Variants in WASF2 observed in about 807,000 individuals in gnomAD.
WASF2 encodes the protein actin-binding protein WASF2.
In WASF2, 14 loss-of-function variants were observed where a neutral mutation model predicts 45.0. That is an observed-to-expected ratio of 0.31 (90% CI 0.21 to 0.49). The LOEUF (loss-of-function observed/expected upper bound fraction) is 0.49, where lower values mean the gene tolerates loss of function less well. Among genes scored for constraint, WASF2 ranks in the 20% least tolerant of loss-of-function variants. WASF2 has a pLI of 0.99. For synonymous variants in WASF2, 200 were observed against 236.3 expected, an observed-to-expected ratio of 0.85 and a Z score of 1.41; for missense variants, 439 against 636.1, an observed-to-expected ratio of 0.69 and a Z score of 3.33.
chr1:27,425,532 G>A (rs923348864), intron 2 of WASF2, among the ~76,000 whole-genome samples: 7 of 152,032 alleles, frequency 4.6e-5, no homozygotes, highest in African/African-American at 7.2e-5. Context: ...ATGAAACCCC[G>A]TCTCTACTAA....
intron 1 of WASF2, among the ~76,000 whole-genome samples, chr1:27,473,764 C>T (rs2148139540): frequency 6.6e-6 from 1 of 152,252 alleles, no homozygotes; most frequent in Non-Finnish European, 1.5e-5. Context: ...GTGAGCTACA[C>T]AAACATTTAA....
intron 1 of WASF2, among the ~76,000 whole-genome samples, chr1:27,471,336 C>T (rs1365438275): frequency 7.9e-6 from 1 of 126,442 alleles, no homozygotes; most frequent in African/African-American, 3.2e-5. Flanking sequence ...CAGAGCGAGA[C>T]TCTGTCTCAA....
chr1:27,469,944 A>C (rs950095194), intron 1 of WASF2, among the ~76,000 whole-genome samples: 3 of 146,404 alleles, frequency 2.0e-5, no homozygotes, highest in Non-Finnish European at 4.5e-5. Context: ...ACTCTGTGTC[A>C]AAAAAAAAAA....
chr1:27,458,884 G>C (rs1332247112), intron 1 of WASF2, among the ~76,000 whole-genome samples: 1 of 151,958 alleles, frequency 6.6e-6, no homozygotes, highest in Non-Finnish European at 1.5e-5. Flanking sequence ...CTAGCACTTT[G>C]GGAGGCTGAG....
intron 1 of WASF2, among the ~76,000 whole-genome samples, chr1:27,489,629 G>A (rs2018001754): frequency 6.6e-6 from 1 of 152,198 alleles, no homozygotes; most frequent in Admixed American, 6.5e-5. Flanking sequence ...ACATACATCT[G>A]CCGACGAAAC....
At chr1:27,418,603 C>T (rs2016858950) in intron 3 of WASF2, among the ~76,000 whole-genome samples, 181 bp from the exon 4 acceptor site, 1 of 152,208 alleles carries the variant, frequency 6.6e-6, no homozygotes, top group Admixed American at 6.5e-5. Flanking sequence ...CCAGTCGTTT[C>T]ACGACTGAAC....
intron 1 of WASF2, among the ~76,000 whole-genome samples, chr1:27,479,529 G>C (rs2017817490): frequency 6.6e-6 from 1 of 152,152 alleles, no homozygotes; most frequent in Admixed American, 6.5e-5. Context: ...ATAATTTTGA[G>C]GAAGTTAATC....
At chr1:27,425,368 G>A (rs1221810812) in intron 2 of WASF2, among the ~76,000 whole-genome samples, 3 of 152,200 alleles carry the variant, frequency 2.0e-5, no homozygotes, top group Non-Finnish European at 4.4e-5. Flanking sequence ...GATTACAGGT[G>A]TGAGCCACTA....
intron 1 of WASF2, among the ~76,000 whole-genome samples, chr1:27,443,679 G>A (rs1364875797): frequency 6.6e-6 from 1 of 152,106 alleles, no homozygotes; most frequent in Non-Finnish European, 1.5e-5. Context: ...AAGAAAGCAA[G>A]GATTTCTTGA....
At chr1:27,475,920 C>T (rs911144327) in intron 1 of WASF2, among the ~76,000 whole-genome samples, 1 of 152,164 alleles carries the variant, frequency 6.6e-6, no homozygotes. Context: ...CCCATGTGGG[C>T]GTGAGCCACT....
At chr1:27,473,455 CAAAAAAAAA>C (rs752426888) in intron 1 of WASF2, among the ~76,000 whole-genome samples, 4 of 49,752 alleles carry the variant, frequency 8.0e-5, no homozygotes, top group Non-Finnish European at 1.7e-4. Context: ...ACTCCATGGC[CAAAAAAAAA>C]AAAAAAAAAA....
intron 1 of WASF2, among the ~76,000 whole-genome samples, chr1:27,476,139 T>C (rs952664043): frequency 1.3e-5 from 2 of 152,232 alleles, no homozygotes; most frequent in Admixed American, 1.3e-4. Flanking sequence ...AGCAAAGGCT[T>C]ACAGAAAACC....
Position 27,410,261 on chromosome 1 carries a change from TC to T in WASF2, c.825-56del. 6.2e-7 allele frequency: 1 copy of T among 1,602,354 alleles called. No homozygotes were observed. The highest frequency in any genetic ancestry group is 8.5e-7 in the Non-Finnish European group (1 of 1,172,484). ...ATCACCCTTAGAATGCAGACACCTA[TC>T]TACAGTTAGCCTTGTCTACAGACCG... is the stretch of plus-strand genomic sequence containing the variant. On this transcript the variant is annotated intron_variant, in intron 7 of 8. Transcript: ENST00000618852. The surrounding 1 kb of genome is among the most constrained non-coding windows in gnomAD (Gnocchi z 4.2).
intron 1 of WASF2, among the ~76,000 whole-genome samples, chr1:27,480,371 G>A (rs1202157468): frequency 6.6e-6 from 1 of 151,936 alleles, no homozygotes; most frequent in African/African-American, 2.4e-5. Context: ...ACAAAAATTA[G>A]CCGAGTATGG....
chr1:27,430,522 A>G (rs555382790), intron 1 of WASF2, among the ~76,000 whole-genome samples: 1 of 152,172 alleles, frequency 6.6e-6, no homozygotes, highest in South Asian at 2.1e-4. Flanking sequence ...CACCACGCCC[A>G]GCTAATTTTT....
At chr1:27,475,849 A>G (rs2017758747) in intron 1 of WASF2, among the ~76,000 whole-genome samples, 1 of 152,160 alleles carries the variant, frequency 6.6e-6, no homozygotes, top group African/African-American at 2.4e-5. Flanking sequence ...GCTGGTCTCA[A>G]ACTCCTGGGC....
chr1:27,443,180 TAAA>T (rs2017264432), intron 1 of WASF2, among the ~76,000 whole-genome samples: 1 of 143,330 alleles, frequency 7.0e-6, no homozygotes, highest in African/African-American at 2.6e-5. Context: ...AATAAATAAA[TAAA>T]AAATTAGCCA....
intron 1 of WASF2, among the ~76,000 whole-genome samples, chr1:27,439,365 T>G (rs1359763025): frequency 6.6e-6 from 1 of 152,244 alleles, no homozygotes; most frequent in South Asian, 2.1e-4. Flanking sequence ...GTAGAATGAT[T>G]GACATCTATC....
In WASF2 at chr1:27,409,754, G is replaced by C; in HGVS notation, c.1277C>G (p.Pro426Arg). 1 of 1,534,810 alleles carries C rather than the reference G, an allele frequency of 6.5e-7. No individual in the cohort carries two copies. The highest frequency in any genetic ancestry group is 1.8e-4 in the Middle Eastern group (1 of 5,668). ...GCTCACGGCAGGCAAGGAGGACTTG[G>C]GCTTGGTGGTATCAGAAAGCGGTGG... The part of the protein sequence containing the change: ...IPPPLSDTTK[P>R]KSSLPAVSDA... The change falls in exon 8 of 9, where the codon CCC (proline) becomes CGC (arginine). Residue 426 changes from proline (P) to arginine (R), a missense_variant. Coordinates refer to ENST00000618852, the MANE Select transcript of WASF2 (RefSeq NM_006990.5).
Sources: gnomAD v4.1 joint callset for allele counts (sites outside exome capture counted in the v4.1 genomes callset) on GRCh38, gnomAD v4.1.1 for gene constraint, Gnocchi (gnomAD v3.1) non-coding constraint, MANE v1.5 for transcripts, NCBI Gene and HGNC (gene_info 2026-07-23, HGNC 2026-07-21) for gene names.